KDR: variants seen among roughly 807,000 people sequenced by gnomAD.
KDR encodes vascular endothelial growth factor receptor 2.
In KDR, 43 loss-of-function variants were observed where a neutral mutation model predicts 160.9. The ratio of observed to expected loss-of-function variants is 0.27; its 90% CI spans 0.21 to 0.34. The LOEUF is 0.34. Among genes scored for constraint, KDR ranks in the 10% least tolerant of loss-of-function variants. The pLI, the probability that KDR is intolerant of heterozygous loss-of-function variation, is 1.00. For synonymous variants in KDR, 617 were observed against 600.1 expected, an observed-to-expected ratio of 1.03 and a Z score of -0.41; for missense variants, 1,469 against 1,666.4, an observed-to-expected ratio of 0.88 and a Z score of 2.06.
intron 9 of KDR, among the ~76,000 whole-genome samples, chr4:55,108,582 A>G (rs1052939532): frequency 3.9e-5 from 6 of 152,078 alleles, no homozygotes; most frequent in African/African-American, 1.4e-4. Flanking sequence ...AAACCTAGAC[A>G]CTCTGACTTC....
chr4:55,094,989 GAATACAA>G (rs2110015457), intron 20 of KDR, 34 bp from the exon 21 acceptor site: 1 of 1,603,470 alleles, frequency 6.2e-7, no homozygotes, highest in Non-Finnish European at 8.5e-7. Context: ...CAAACTCCTT[GAATACAA>G]AATGAGTCTT....
chr4:55,103,878 T>C (rs1006445823), intron 13 of KDR, among the ~76,000 whole-genome samples: 2 of 151,842 alleles, frequency 1.3e-5, no homozygotes, highest in African/African-American at 2.4e-5. Flanking sequence ...CTCCCCAAAT[T>C]TGCCTGATTT....
At chr4:55,099,993 C>T (rs1720269314) in intron 15 of KDR, among the ~76,000 whole-genome samples, 1 of 152,134 alleles carries the variant, frequency 6.6e-6, no homozygotes, top group African/African-American at 2.4e-5. Flanking sequence ...ATGCTCAGGG[C>T]TTCAGAGGAC....
chr4:55,106,020 A>G (rs1187517879), intron 11 of KDR, 80 bp from the exon 12 acceptor site: 6 of 877,808 alleles, frequency 6.8e-6, no homozygotes, highest in Non-Finnish European at 1.2e-5. Context: ...CAGTCTCCAC[A>G]ATCACTCCAA....
rs1333054590 is a variant in KDR at position 55,098,150 on chromosome 4, G to A, written c.2496C>T (p.Asp832=). ...YDASKWEFPR[D]RLKLGKPLGR... ...TTGAAAATGCACCTAGCTTCAGCCG[G>A]TCTCTGGGGAATTCCCATTTGCTGG... The change falls in exon 17 of 30, where the codon GAC becomes GAT. Residue 832 remains aspartate, a synonymous_variant. Coordinates refer to ENST00000263923, the MANE Select transcript of KDR (RefSeq NM_002253.4). 1 of 1,613,792 alleles carries A rather than the reference G, an allele frequency of 6.2e-7. No individual in the cohort carries two copies. Among genetic ancestry groups the A allele is most frequent in the African/African-American group, 1.3e-5 (1 of 74,904 alleles).
chr4:55,082,017 C>A lies in KDR; in HGVS notation c.3787G>T (p.Val1263Phe). 1 of 1,613,660 alleles carries A rather than the reference C, an allele frequency of 6.2e-7. No homozygotes were observed. Among genetic ancestry groups the A allele is most frequent in the East Asian group, 2.2e-5 (1 of 44,864 alleles). ...PDDNQTDSGM[V>F]LASEELKTLE... ...GTTTTCAGCTCTTCTGAGGCAAGAACCATACCACTGTCCGTCTGGTTGTCC... is the reference window on the plus strand; with the variant it reads ...GTTTTCAGCTCTTCTGAGGCAAGAAACATACCACTGTCCGTCTGGTTGTCC... The change falls in exon 29 of 30, where the codon GTT becomes TTT. Residue 1263 changes from valine to phenylalanine, a missense_variant. Around this residue, in one of 7 missense-constraint regions of KDR, gnomAD observed 229 missense variants for 197.8 expected, o/e 1.16. Transcript: ENST00000263923.
intron 28 of KDR, among the ~76,000 whole-genome samples, chr4:55,082,312 C>T (rs981814140): frequency 1.3e-5 from 2 of 152,160 alleles, no homozygotes; most frequent in Non-Finnish European, 2.9e-5. Context: ...ACTACTTGCA[C>T]TTTAGTGAAA....
chr4:55,101,360 C>A (rs1720305147), intron 15 of KDR, among the ~76,000 whole-genome samples: 2 of 152,174 alleles, frequency 1.3e-5, no homozygotes, highest in Admixed American at 1.3e-4. Context: ...AGAATACATA[C>A]TCACTGAGAA....
At chr4:55,099,141 G>A (rs1015034938) in intron 15 of KDR, among the ~76,000 whole-genome samples, 2 of 151,752 alleles carry the variant, frequency 1.3e-5, no homozygotes, top group African/African-American at 4.8e-5. Flanking sequence ...TCAGCCTCCC[G>A]AGTAGCTGGG....
At position 55,125,592 on chromosome 4, in the gene KDR, C is replaced by T; in HGVS notation, c.-299G>A. 1 of 569,504 alleles carries T rather than the reference C, an allele frequency of 1.8e-6. No individual in the cohort carries two copies. The highest frequency in any genetic ancestry group is 2.0e-5 in the South Asian group (1 of 49,410). The allele number at this position is 569,504 out of a possible 1,614,324, so 35.3% of individuals were successfully genotyped here. On this transcript the variant is annotated 5_prime_UTR_variant, in exon 1 of 30. Coordinates refer to ENST00000263923, the MANE Select transcript of KDR (RefSeq NM_002253.4). ...ACCGCTCTCCCGGGGTCCCGGGACT[C>T]AGTGCAGGGTGGGAGCTGGTGCCGA...
intron 28 of KDR, 77 bp from the exon 29 acceptor site, chr4:55,082,118 A>C: frequency 3.9e-6 from 4 of 1,026,760 alleles, no homozygotes; most frequent in Non-Finnish European, 6.2e-6. Context: ...CTGATTTCTC[A>C]ACCCATCTAT....
intron 3 of KDR, among the ~76,000 whole-genome samples, chr4:55,117,436 T>C (rs769727497): frequency 3.9e-5 from 6 of 152,224 alleles, no homozygotes; most frequent in Non-Finnish European, 8.8e-5. Context: ...GCCTTGTCTC[T>C]TTCAAATCTT....
intron 19 of KDR, among the ~76,000 whole-genome samples, chr4:55,096,010 CT>C (rs1477310873): frequency 6.6e-6 from 1 of 152,152 alleles, no homozygotes; most frequent in Non-Finnish European, 1.5e-5. Context: ...AAGTAACAAA[CT>C]GTATCATAGT....
At chr4:55,101,805 A>G in intron 15 of KDR, 92 bp downstream of exon 15, 1 of 1,106,638 alleles carries the variant, frequency 9.0e-7, no homozygotes, top group South Asian at 1.3e-5. Flanking sequence ...AGCTCCATCC[A>G]TGCAGCTGCA....
intron 16 of KDR, 151 bp downstream of exon 16, chr4:55,098,546 A>G: frequency 1.3e-6 from 1 of 745,634 alleles, no homozygotes; most frequent in Non-Finnish European, 2.3e-6. Context: ...GATCCAGCCA[A>G]AAGAAAGTGG....
intron 22 of KDR, among the ~76,000 whole-genome samples, chr4:55,091,132 C>A (rs1720002561): frequency 6.6e-6 from 1 of 152,130 alleles, no homozygotes; most frequent in Admixed American, 6.5e-5. Flanking sequence ...GAATTACAGG[C>A]ATGAGCCAAC....
intron 21 of KDR, among the ~76,000 whole-genome samples, chr4:55,093,023 A>G (rs774343839): frequency 5.5e-4 from 84 of 152,298 alleles, no homozygotes; most frequent in Non-Finnish European, 1.1e-3. Flanking sequence ...CAAATTTGCC[A>G]CTTACACTGT....
intron 9 of KDR, among the ~76,000 whole-genome samples, chr4:55,108,296 G>T (rs1720493239): frequency 6.6e-6 from 1 of 152,098 alleles, no homozygotes; most frequent in East Asian, 1.9e-4. Context: ...TTATGGAAGT[G>T]TTGAAATCCT....
chr4:55,110,298 GAT>G, intron 9 of KDR, 103 bp downstream of exon 9: 2 of 1,195,068 alleles, frequency 1.7e-6, no homozygotes, highest in Non-Finnish European at 2.5e-6. Context: ...GCCCAGCCAT[GAT>G]ATGAGTGAAG....
Sources: gnomAD v4.1 joint callset for allele counts (sites outside exome capture counted in the v4.1 genomes callset) on GRCh38, gnomAD v4.1.1 for gene constraint, gnomAD v4.1.1 regional missense constraint, MANE v1.5 for transcripts, NCBI Gene and HGNC (gene_info 2026-07-23, HGNC 2026-07-21) for gene names.